The following SEMA6A variants were observed in gnomAD, a reference collection of about 807,000 sequenced individuals.
SEMA6A encodes semaphorin-6A.
SEMA6A carries 25 observed loss-of-function variants against 96.8 expected under a neutral mutation model. That is an observed-to-expected ratio of 0.26 (90% CI 0.19 to 0.36). The LOEUF (loss-of-function observed/expected upper bound fraction) is 0.36. SEMA6A is among the 10% of genes least tolerant of loss of function. The pLI, the probability that SEMA6A is intolerant of heterozygous loss-of-function variation, is 1.00. For missense variants in SEMA6A, 1,363 were observed against 1,323.1 expected (o/e 1.03, Z -0.47); for synonymous variants, 612 against 518.0 (o/e 1.18, Z -2.46).
At chr5:116,502,607 A>G (rs1214038367) in intron 2 of SEMA6A, 12 of 355,034 alleles carry the variant, frequency 3.4e-5, no homozygotes, top group Non-Finnish European at 4.6e-5. Flanking sequence ...TCAGGGCTCA[A>G]CTCGCTAGTG....
rs941668925 is a variant in SEMA6A, at chr5:116,444,068, A to G, written c.*2545T>C. On this transcript the variant is annotated 3_prime_UTR_variant, in exon 19 of 19. Coordinates refer to ENST00000343348, the MANE Select transcript of SEMA6A (RefSeq NM_020796.5). ...CTGCCAGTACTCTCGGGAGTCAAGC[A>G]TGGGAAAGAAGGGGGCAGGGGGATA... 1 of 152,170 alleles carries G rather than the reference A, an allele frequency of 6.6e-6. No homozygotes were observed. The highest frequency in any genetic ancestry group is 2.1e-4 in the South Asian group (1 of 4,832). 9.4% of individuals were successfully genotyped at this position (152,170 alleles called of 1,614,324 possible). A position where few individuals can be genotyped will look rare whatever the true frequency, so the allele number is the denominator to read the frequency against.
intron 16 of SEMA6A, among the ~76,000 whole-genome samples, chr5:116,475,054 T>C (rs1756380846): frequency 6.6e-6 from 1 of 152,132 alleles, no homozygotes; most frequent in Admixed American, 6.6e-5. Context: ...ATTTCTGAAA[T>C]TTTTTTTCCT....
chr5:116,556,746 T>C (rs746198590), intron 1 of SEMA6A, among the ~76,000 whole-genome samples: 1 of 152,220 alleles, frequency 6.6e-6, no homozygotes. Flanking sequence ...CTAATATGAT[T>C]TTAGTTGTTC....
chr5:116,475,535 CTG>C lies in SEMA6A; in HGVS notation c.1708+8_1708+9del, dbSNP rs1756401095. On this transcript the variant is annotated splice_region_variant and intron_variant, in intron 16 of 18. Coordinates refer to ENST00000343348, the MANE Select transcript of SEMA6A (RefSeq NM_020796.5). ...CCCAAAGATAAAAATGGATAAAAGA[CTG>C]TACTTACTGTGACAGTCCCCCAGAC... 9 of 1,585,174 alleles carry C rather than the reference CTG, an allele frequency of 5.7e-6. No individual in the cohort carries two copies. In the East Asian group the frequency reaches 6.8e-5, roughly 12 times the overall value.
At position 116,480,167 on chromosome 5, in the gene SEMA6A, A is replaced by G; in HGVS notation, c.1205T>C (p.Val402Ala). The change falls in exon 12 of 19, where the codon GTG (valine) becomes GCG (alanine). Residue 402 changes from valine (V) to alanine (A), a missense_variant. Physicochemically the swap from Val to Ala is moderately conservative, Grantham distance 64. Transcript: ENST00000343348. ...IKTHPLMDEA[V>A]PSIFNRPWFL... ...CCATGGCCTGTTGAAGATGGAGGGC[A>G]CTGCCTCATCCATGAGCGGGTGCGT... is the stretch of plus-strand genomic sequence containing the variant. 7 of 1,613,862 alleles carry G rather than the reference A, an allele frequency of 4.3e-6. No homozygotes were observed. Among genetic ancestry groups the G allele is most frequent in the Non-Finnish European group, 5.9e-6 (7 of 1,179,796 alleles).
intron 6 of SEMA6A, among the ~76,000 whole-genome samples, chr5:116,493,451 T>C (rs1265254124): frequency 6.6e-6 from 1 of 152,212 alleles, no homozygotes; most frequent in East Asian, 1.9e-4. Context: ...ACTTAAAAAC[T>C]TGATCTTTGG....
chr5:116,480,488 A>G (rs1280385125), intron 11 of SEMA6A, among the ~76,000 whole-genome samples: 1 of 152,186 alleles, frequency 6.6e-6, no homozygotes, highest in Non-Finnish European at 1.5e-5. Context: ...CTCAGCCAGC[A>G]CAGTTCAGCC....
intron 18 of SEMA6A, among the ~76,000 whole-genome samples, chr5:116,455,756 T>G (rs1754970594): frequency 6.6e-6 from 1 of 152,300 alleles, no homozygotes; most frequent in African/African-American, 2.4e-5. Context: ...GAGATCTGGG[T>G]TAAAGATGAG....
intron 5 of SEMA6A, 114 bp from the exon 6 acceptor site, chr5:116,495,628 T>C (rs1424172773): frequency 4.3e-6 from 3 of 693,616 alleles, no homozygotes; most frequent in Non-Finnish European, 7.3e-6. Context: ...GCTGAGGACT[T>C]CTCCCATTAA....
At chr5:116,525,560 C>G (rs1759183494) in intron 1 of SEMA6A, among the ~76,000 whole-genome samples, 1 of 152,144 alleles carries the variant, frequency 6.6e-6, no homozygotes, top group Admixed American at 6.6e-5. Context: ...GTTCCAATTT[C>G]CCCCTGTCCT....
chr5:116,489,204 A>G (rs77201376), intron 7 of SEMA6A, among the ~76,000 whole-genome samples, 197 bp from the exon 8 acceptor site: 57 of 152,240 alleles, frequency 3.7e-4, no homozygotes, highest in African/African-American at 1.3e-3. Flanking sequence ...GAGATGAAAC[A>G]TTTTTCATTT....
At chr5:116,505,082 C>T in intron 1 of SEMA6A, 100 bp from the exon 2 acceptor site, 1 of 608,932 alleles carries the variant, frequency 1.6e-6, no homozygotes, top group South Asian at 2.2e-5. Flanking sequence ...AAAAAGGCTT[C>T]TGCTTTACAT....
At chr5:116,486,466 A>G (rs541388196) in intron 10 of SEMA6A, among the ~76,000 whole-genome samples, 1 of 152,192 alleles carries the variant, frequency 6.6e-6, no homozygotes, top group Non-Finnish European at 1.5e-5. Context: ...TAGGATTACT[A>G]GAAGGATTTA....
At chr5:116,490,068 C>T (rs1757259152) in intron 7 of SEMA6A, among the ~76,000 whole-genome samples, 1 of 152,012 alleles carries the variant, frequency 6.6e-6, no homozygotes, top group African/African-American at 2.4e-5. Context: ...TTTAAAAAAA[C>T]TCATATCCAA....
intron 18 of SEMA6A, chr5:116,449,919 G>T (rs1264352212): frequency 6.6e-6 from 1 of 152,246 alleles, no homozygotes; most frequent in Non-Finnish European, 1.5e-5. Context: ...AAAAACAGCC[G>T]GAAATTTGGC....
chr5:116,521,307 C>G (rs1266297114), intron 1 of SEMA6A, among the ~76,000 whole-genome samples: 1 of 152,214 alleles, frequency 6.6e-6, no homozygotes, highest in Non-Finnish European at 1.5e-5. Context: ...ACACAGACCC[C>G]AGGAGATGGT....
intron 1 of SEMA6A, among the ~76,000 whole-genome samples, chr5:116,561,527 G>T (rs1051169781): frequency 6.6e-6 from 1 of 152,198 alleles, no homozygotes; most frequent in African/African-American, 2.4e-5. Flanking sequence ...GTTAAGACTA[G>T]GTATGGTTGA....
chr5:116,527,233 T>G (rs1011887928), intron 1 of SEMA6A, among the ~76,000 whole-genome samples: 1 of 151,896 alleles, frequency 6.6e-6, no homozygotes, highest in Non-Finnish European at 1.5e-5. Context: ...ATACTTAACA[T>G]TATATATTTT....
intron 7 of SEMA6A, among the ~76,000 whole-genome samples, chr5:116,489,534 G>A (rs763773169): frequency 6.6e-6 from 1 of 152,244 alleles, no homozygotes; most frequent in Non-Finnish European, 1.5e-5. Context: ...CTACTGTCCT[G>A]AGAGTAACAG....
Sources: allele counts gnomAD v4.1 joint callset (sites outside exome capture counted in the v4.1 genomes callset), GRCh38; gene constraint gnomAD v4.1.1; transcripts MANE v1.5; gene names NCBI Gene and HGNC (gene_info 2026-07-23, HGNC 2026-07-21).